UCHL5: variants seen among roughly 807,000 people sequenced by gnomAD.
UCHL5 encodes ubiquitin carboxyl-terminal hydrolase isozyme L5.
Under a neutral mutation model 53.8 loss-of-function variants are expected in UCHL5, and 34 were observed. The ratio of observed to expected loss-of-function variants is 0.63; its 90% confidence interval spans 0.48 to 0.84. The LOEUF (loss-of-function observed/expected upper bound fraction) is 0.84, where lower values mean the gene tolerates loss of function less well. Among genes scored for constraint, UCHL5 ranks in the 40% least tolerant of loss-of-function variants. The pLI is 0.00. For missense variants in UCHL5, 290 were observed against 385.6 expected (o/e 0.75, Z 2.08); for synonymous variants, 111 against 126.3 (o/e 0.88, Z 0.81).
At chr1:193,041,561 G>A (rs1256733246) in intron 3 of UCHL5, among the ~76,000 whole-genome samples, 2 of 152,106 alleles carry the variant, frequency 1.3e-5, no homozygotes, top group Admixed American at 6.5e-5. Flanking sequence ...TTCAGAAAAC[G>A]TTTGGATATT....
chr1:193,050,755 G>GA (rs573402885), intron 2 of UCHL5, among the ~76,000 whole-genome samples: 3,898 of 125,204 alleles, frequency 0.031, 71 homozygotes, highest in Middle Eastern at 0.059. Context: ...AAAAGAAAAA[G>GA]AAAAAAAAAA....
chr1:193,047,940 CTT>C (rs1220031229), intron 3 of UCHL5, among the ~76,000 whole-genome samples: 1 of 152,054 alleles, frequency 6.6e-6, no homozygotes. Flanking sequence ...AAAAAAAAGT[CTT>C]TGATAAAGCA....
intron 1 of UCHL5, among the ~76,000 whole-genome samples, chr1:193,056,858 CAT>C (rs1670770824): frequency 6.6e-6 from 1 of 152,196 alleles, no homozygotes; most frequent in Non-Finnish European, 1.5e-5. Context: ...CTGATGGTGA[CAT>C]AAACTACCAC....
At position 193,018,810 on chromosome 1, in the gene UCHL5, T is replaced by C. The variant is rs1341056142; in HGVS notation, c.942+2287A>G. 6 of 1,563,602 alleles carry C rather than the reference T, an allele frequency of 3.8e-6. No individual in the cohort carries two copies. In the South Asian group the frequency reaches 7.1e-5, roughly 18 times the overall value. Reference sequence around the variant, plus strand: ...TTCCTTCTCACACCTTGTTCTTTTATCCTATTTTCCCTGAAAACAAAACAC... The same window carrying C: ...TTCCTTCTCACACCTTGTTCTTTTACCCTATTTTCCCTGAAAACAAAACAC... On this transcript the variant is annotated intron_variant, in intron 10 of 10. Transcript: ENST00000367454.
chr1:193,060,026 G>A (rs764606448), upstream of UCHL5: 2 of 1,352,838 alleles, frequency 1.5e-6, no homozygotes, highest in Non-Finnish European at 2.0e-6. Flanking sequence ...TTCCGAAGCC[G>A]GGACCGCTCC....
chr1:193,032,678 A>C (rs1355980067), intron 3 of UCHL5, among the ~76,000 whole-genome samples: 1 of 152,250 alleles, frequency 6.6e-6, no homozygotes, highest in Non-Finnish European at 1.5e-5. Context: ...ACAAATGCAG[A>C]AGAAAAAAAT....
At chr1:193,053,416 CA>C in intron 1 of UCHL5, among the ~76,000 whole-genome samples, 1 of 152,326 alleles carries the variant, frequency 6.6e-6, no homozygotes, top group South Asian at 2.1e-4. Context: ...ACTGCTTAAA[CA>C]ATCTCACATT....
chr1:193,033,088 T>G (rs1662069012), intron 3 of UCHL5, among the ~76,000 whole-genome samples: 1 of 152,218 alleles, frequency 6.6e-6, no homozygotes. Context: ...GTATGTTTAT[T>G]GCAGTATTGT....
At chr1:193,059,480 T>A (rs773624204), upstream of UCHL5, 1 of 1,605,146 alleles carries the variant, frequency 6.2e-7, no homozygotes, top group Non-Finnish European at 8.5e-7. The surrounding 1 kb of genome is among the most constrained non-coding windows in gnomAD (Gnocchi z 4.9). Flanking sequence ...TTCCCAGGCC[T>A]TGCAGCACCC....
chr1:193,020,246 G>A (rs557578082), intron 10 of UCHL5: 59 of 1,500,942 alleles, frequency 3.9e-5, no homozygotes, highest in Middle Eastern at 4.8e-4. Flanking sequence ...ACATGAAACA[G>A]CTTGGTTGAA....
At chr1:193,045,176 G>T (rs924912783) in intron 3 of UCHL5, among the ~76,000 whole-genome samples, 2 of 152,120 alleles carry the variant, frequency 1.3e-5, no homozygotes, top group Non-Finnish European at 2.9e-5. Context: ...GGTTCGGTCT[G>T]CATTTATTGG....
In UCHL5 at chr1:193,039,629, T is replaced by C. The variant is rs184033770; in HGVS notation, c.247-9972A>G. Among the ~76,000 whole-genome samples, 4 of 152,196 alleles carry C rather than the reference T, an allele frequency of 2.6e-5. 1 individual carries two copies. The South Asian group carries it at 6.2e-4, about 24-fold the overall frequency. ...ATCAAAATACCAACGGCATTCTTCA[T>C]AGAAACAGAAAAAGCAATCCCAAAA... is the stretch of plus-strand genomic sequence containing the variant. On this transcript the variant is annotated intron_variant, in intron 3 of 10. Coordinates refer to ENST00000367454, the MANE Select transcript of UCHL5 (RefSeq NM_001199261.3).
intron 7 of UCHL5, among the ~76,000 whole-genome samples, chr1:193,025,360 T>C (rs1219897629): frequency 1.3e-5 from 2 of 152,220 alleles, no homozygotes; most frequent in Non-Finnish European, 1.5e-5. Context: ...TAGGTTGGTA[T>C]TTAAAAAGGC....
chr1:193,044,563 C>G (rs1666766560), intron 3 of UCHL5, among the ~76,000 whole-genome samples: 8 of 151,986 alleles, frequency 5.3e-5, no homozygotes. Context: ...ACACACGCAA[C>G]CCCCTTGAAT....
At chr1:193,016,892 A>C (rs1655063397) in intron 10 of UCHL5, among the ~76,000 whole-genome samples, 1 of 151,790 alleles carries the variant, frequency 6.6e-6, no homozygotes, top group African/African-American at 2.4e-5. Context: ...CCTAAAAAAA[A>C]ATGTTTTTAC....
intron 7 of UCHL5, among the ~76,000 whole-genome samples, chr1:193,025,297 C>G (rs1172903628): frequency 6.6e-6 from 1 of 152,180 alleles, no homozygotes; most frequent in Non-Finnish European, 1.5e-5. Flanking sequence ...CCAGTAAAAG[C>G]AGAATAGAGA....
At chr1:193,054,117 G>A (rs554926963) in intron 1 of UCHL5, among the ~76,000 whole-genome samples, 3 of 151,860 alleles carry the variant, frequency 2.0e-5, no homozygotes, top group South Asian at 2.1e-4. Flanking sequence ...GTTCCAAAGC[G>A]AAAGCGGGTG....
intron 3 of UCHL5, among the ~76,000 whole-genome samples, chr1:193,030,245 A>AACATTTAG (rs1169236991): frequency 6.6e-6 from 1 of 152,180 alleles, no homozygotes; most frequent in East Asian, 1.9e-4. Flanking sequence ...CAAAGGAAAA[A>AACATTTAG]ACATTTAGAT....
At position 193,027,003 on chromosome 1, in the gene UCHL5, A is replaced by C. The variant is rs367974999; in HGVS notation, c.629+1082T>G. 4.6e-5 allele frequency among the ~76,000 whole-genome samples: 7 copies of C among 152,360 alleles called. No individual in the cohort carries two copies. In the East Asian group the frequency reaches 1.2e-3, roughly 25 times the overall value. On this transcript the variant is annotated intron_variant, in intron 7 of 10. Coordinates refer to ENST00000367454, the MANE Select transcript of UCHL5 (RefSeq NM_001199261.3). ...GAAAAAGCTAATGCGAAAAGGCTAC[A>C]TATTGTAAAATTCATATATAACATT...
Sources: allele counts gnomAD v4.1 joint callset (sites outside exome capture counted in the v4.1 genomes callset), GRCh38; gene constraint gnomAD v4.1.1; non-coding constraint Gnocchi (gnomAD v3.1); transcripts MANE v1.5; gene names NCBI Gene and HGNC (gene_info 2026-07-23, HGNC 2026-07-21).